The following BTG2 variants were observed in gnomAD, a reference collection of about 807,000 sequenced individuals.
The protein encoded by BTG2 is BTG anti-proliferation factor 2.
Under a neutral mutation model 13.1 loss-of-function variants are expected in BTG2, and 9 were observed. The observed-to-expected ratio is 0.69, with a 90% CI of 0.41 to 1.20. BTG2 has a LOEUF of 1.20. Ranked by LOEUF, BTG2 falls within the 50% of genes most tolerant of loss-of-function variation. BTG2 has a pLI of 0.00. For missense variants in BTG2, 200 were observed against 209.5 expected (o/e 0.95, Z 0.28); for synonymous variants, 92 against 88.6 (o/e 1.04, Z -0.21).
chr1:203,306,521 AAC>A (rs1020595815), intron 1 of BTG2, among the ~76,000 whole-genome samples: 3 of 152,118 alleles, frequency 2.0e-5, no homozygotes, highest in African/African-American at 7.2e-5. Context: ...GTTTCATCAA[AAC>A]AACCCAGTTT....
At chr1:203,306,448 T>C (rs573743696) in intron 1 of BTG2, among the ~76,000 whole-genome samples, 2 of 152,194 alleles carry the variant, frequency 1.3e-5, no homozygotes, top group Admixed American at 6.5e-5. Flanking sequence ...ACTGTCAGTT[T>C]TGGGAAGCGA....
chr1:203,305,627 C>A lies in BTG2; in HGVS notation c.21C>A (p.Thr7=), dbSNP rs1200560799. MSHGKG[T]DMLPEIAAAV... ...GCGACATGAGCCACGGGAAGGGAACCGACATGCTCCCGGAGATCGCCGCCG... is the reference window on the plus strand; with the variant it reads ...GCGACATGAGCCACGGGAAGGGAACAGACATGCTCCCGGAGATCGCCGCCG... The change falls in exon 1 of 2, where the codon ACC becomes ACA. Residue 7 remains threonine (T), a synonymous_variant. Transcript: ENST00000290551. 6.3e-7 allele frequency: 1 copy of A among 1,599,502 alleles called. No individual in the cohort carries two copies. Among genetic ancestry groups the A allele is most frequent in the Non-Finnish European group, 8.5e-7 (1 of 1,173,352 alleles).
chr1:203,307,435 C>G lies in BTG2; in HGVS notation c.474C>G (p.Ser158Arg), dbSNP rs751519540. 6.3e-7 allele frequency: 1 copy of G among 1,577,092 alleles called. No homozygotes were observed. The highest frequency in any genetic ancestry group is 8.6e-7 in the Non-Finnish European group (1 of 1,156,748). ...AGAACTACGTGATGGCAGTCTCCAGCTAGGCCCTTCCGCCCCCGCCCTGGG... is the reference window on the plus strand; with the variant it reads ...AGAACTACGTGATGGCAGTCTCCAGGTAGGCCCTTCCGCCCCCGCCCTGGG... ...PSKNYVMAVS[S>R] is the part of the protein sequence containing the mutation. The change falls in exon 2 of 2, where the codon AGC (serine) becomes AGG (arginine). Residue 158 changes from serine to arginine, a missense_variant. By Grantham distance (110) the Ser-to-Arg change is moderately radical. Transcript: ENST00000290551.
Position 203,307,051 on chromosome 1 carries a change from C to A in BTG2, c.143-53C>A. The stretch of plus-strand genomic sequence containing the variant: ...CCTCCACCCCGCCCTATGGTAGTAT[C>A]CATGGCCTAGCTGCTCTAACCAGGG... On this transcript the variant is annotated intron_variant, in intron 1 of 1. Transcript: ENST00000290551. The A allele has an allele frequency of 2.0e-6, 3 of 1,519,238 alleles. No individual in the cohort carries two copies. In the South Asian group the frequency reaches 3.6e-5, roughly 18 times the overall value. 94.1% of individuals were successfully genotyped at this position (1,519,238 alleles called of 1,614,324 possible).
chr1:203,308,019 G>A lies in BTG2; in HGVS notation c.*581G>A, dbSNP rs1036729864. 6.6e-6 allele frequency: 1 copy of A among 152,632 alleles called. No individual in the cohort carries two copies. The highest frequency in any genetic ancestry group is 2.4e-5 in the African/African-American group (1 of 41,424). The allele number at this position is 152,632 out of a possible 1,614,324, so 9.5% of individuals were successfully genotyped here. A position where few individuals can be genotyped will look rare whatever the true frequency, so the allele number is the denominator to read the frequency against. ...CCTCTCCTGATTCCTACTGTCCTAA[G>A]CTGCTTTTCTTGAAATCATGACTTG... On this transcript the variant is annotated 3_prime_UTR_variant, in exon 2 of 2. Coordinates refer to ENST00000290551, the MANE Select transcript of BTG2 (RefSeq NM_006763.3).
In BTG2 at chr1:203,307,349, G is replaced by C; in HGVS notation, c.388G>C (p.Ala130Pro). ...CTTGTACGAGGAGGCCCCACTGGCC[G>C]CCTCCTGTGGGCTCCTCACCTGCAA... ...CVLYEEAPLA[A>P]SCGLLTCKNQ... Residue 130 changes from alanine (A) to proline (P), a missense_variant, in exon 2 of 2, where the codon GCC becomes CCC. By Grantham distance (27) the Ala-to-Pro change is conservative (BLOSUM62 -1). Transcript: ENST00000290551. The C allele has an allele frequency of 1.9e-6, 3 of 1,613,720 alleles. No individual in the cohort carries two copies. The highest frequency in any genetic ancestry group is 2.5e-6 in the Non-Finnish European group (3 of 1,179,770).
In BTG2 at chr1:203,307,582, C is replaced by A. The variant is rs965616805; in HGVS notation, c.*144C>A. 27 of 699,338 alleles carry A rather than the reference C, an allele frequency of 3.9e-5. No homozygotes were observed. The Admixed American group carries it at 9.0e-4, about 23-fold the overall frequency. The allele number at this position is 699,338 out of a possible 1,614,324, so 43.3% of individuals were successfully genotyped here. A position where few individuals can be genotyped will look rare whatever the true frequency, so the allele number is the denominator to read the frequency against. On this transcript the variant is annotated 3_prime_UTR_variant, in exon 2 of 2. Coordinates refer to ENST00000290551, the MANE Select transcript of BTG2 (RefSeq NM_006763.3). ...TTTTTTAAGAAAGGAGGAAAAGAAA[C>A]CAAAAGTTTTTTTTAAGAAAAAAAA...
Position 203,307,537 on chromosome 1 carries a change from G to A in BTG2, c.*99G>A. 1 of 954,272 alleles carries A rather than the reference G, an allele frequency of 1.0e-6. No individual in the cohort carries two copies. The highest frequency in any genetic ancestry group is 1.5e-6 in the Non-Finnish European group (1 of 677,236). 59.1% of individuals were successfully genotyped at this position (954,272 alleles called of 1,614,324 possible). On this transcript the variant is annotated 3_prime_UTR_variant, in exon 2 of 2. Coordinates refer to ENST00000290551, the MANE Select transcript of BTG2 (RefSeq NM_006763.3). Reference sequence around the variant, plus strand: ...GGGGAACTGTATTTTTAAATGAAGAGCTATTTATATATATTATTTTTTTTT... The same window carrying A: ...GGGGAACTGTATTTTTAAATGAAGAACTATTTATATATATTATTTTTTTTT...
chr1:203,306,099 T>A (rs1658256679), intron 1 of BTG2, among the ~76,000 whole-genome samples: 1 of 151,916 alleles, frequency 6.6e-6, no homozygotes, highest in Non-Finnish European at 1.5e-5. Context: ...TCGATGGATG[T>A]TGTTGCGGGC....
rs1319382457 is a variant in BTG2 at position 203,307,174 on chromosome 1, C to T, written c.213C>T (p.Asn71=). 6.2e-7 allele frequency: 1 copy of T among 1,614,260 alleles called. No homozygotes were observed. The highest frequency in any genetic ancestry group is 8.5e-7 in the Non-Finnish European group (1 of 1,180,046). The part of the protein sequence containing the change: ...KGSGYRCIRI[N]HKMDPIISRV... ...CCGGCTACCGCTGCATTCGCATCAA[C>T]CACAAGATGGACCCCATCATCAGCA... Residue 71 remains asparagine (N), a synonymous_variant, in exon 2 of 2, where the codon AAC becomes AAT. Transcript: ENST00000290551.
rs34485564 is a variant in BTG2, at chr1:203,306,800, G to GCACACA, written c.143-288_143-283dup. Among the ~76,000 whole-genome samples, 354 of 142,876 alleles carry GCACACA rather than the reference G, an allele frequency of 2.5e-3. 2 individuals carry two copies. The highest frequency in any genetic ancestry group is 7.1e-3 in the South Asian group (32 of 4,496). The allele number at this position is 142,876 out of a possible 152,430, so 93.7% of individuals were successfully genotyped here. ...GAGCTCTAGAATCCCCTCCCAACAC[G>GCACACA]CACACACACACACACACACACTCTC... is the stretch of plus-strand genomic sequence containing the variant. On this transcript the variant is annotated intron_variant, in intron 1 of 1. Coordinates refer to ENST00000290551, the MANE Select transcript of BTG2 (RefSeq NM_006763.3).
In BTG2 at chr1:203,309,046, C is replaced by G. The variant is rs961818211; in HGVS notation, c.*1608C>G. ...TCCTCTACCCCCAGGTTCTCCTCCC[C>G]ACAGCCAGTCCCCTTTCCTGGATTT... On this transcript the variant is annotated 3_prime_UTR_variant, in exon 2 of 2. Coordinates refer to ENST00000290551, the MANE Select transcript of BTG2 (RefSeq NM_006763.3). 2.6e-5 allele frequency: 4 copies of G among 152,724 alleles called. No homozygotes were observed. Among genetic ancestry groups the G allele is most frequent in the African/African-American group, 9.6e-5 (4 of 41,452 alleles). 9.5% of individuals were successfully genotyped at this position (152,724 alleles called of 1,614,324 possible). A position where few individuals can be genotyped will look rare whatever the true frequency, so the allele number is the denominator to read the frequency against.
At chr1:203,306,431 G>A (rs1658275391) in intron 1 of BTG2, among the ~76,000 whole-genome samples, 1 of 152,202 alleles carries the variant, frequency 6.6e-6, no homozygotes, top group Non-Finnish European at 1.5e-5. Flanking sequence ...GCTGTTTCTA[G>A]CTGGTTACTG....
In BTG2 at chr1:203,309,415, C is replaced by G. The variant is rs1416695775; in HGVS notation, c.*1977C>G. ...CTTTAAAAACAACAAAACCCCTGAG[C>G]TGGACTGTTGAGCAGGCCTGTCTCT... On this transcript the variant is annotated 3_prime_UTR_variant, in exon 2 of 2. Coordinates refer to ENST00000290551, the MANE Select transcript of BTG2 (RefSeq NM_006763.3). 1.3e-5 allele frequency: 2 copies of G among 152,650 alleles called. No homozygotes were observed. The highest frequency in any genetic ancestry group is 6.5e-5 in the Admixed American group (1 of 15,286). The allele number at this position is 152,650 out of a possible 1,614,324, so 9.5% of individuals were successfully genotyped here.
At chr1:203,306,636 G>A (rs1320533730) in intron 1 of BTG2, among the ~76,000 whole-genome samples, 1 of 152,224 alleles carries the variant, frequency 6.6e-6, no homozygotes, top group African/African-American at 2.4e-5. Flanking sequence ...ACCCAACAAT[G>A]TTGGCAGCCT....
chr1:203,308,544 T>C lies in BTG2; in HGVS notation c.*1106T>C, dbSNP rs1158196119. On this transcript the variant is annotated 3_prime_UTR_variant, in exon 2 of 2. Coordinates refer to ENST00000290551, the MANE Select transcript of BTG2 (RefSeq NM_006763.3). The stretch of plus-strand genomic sequence containing the variant: ...CAGGAGGGTCTGGAGGAAAACTGGC[T>C]ATCAGAACCTCCTGATGCCCTGGTG... 1 of 152,634 alleles carries C rather than the reference T, an allele frequency of 6.6e-6. No individual in the cohort carries two copies. Among genetic ancestry groups the C allele is most frequent in the African/African-American group, 2.4e-5 (1 of 41,450 alleles). 9.5% of individuals were successfully genotyped at this position (152,634 alleles called of 1,614,324 possible).
At chr1:203,306,801 CA>C (rs1424905559) in intron 1 of BTG2, among the ~76,000 whole-genome samples, 5 of 31,394 alleles carry the variant, frequency 1.6e-4, no homozygotes, top group Non-Finnish European at 2.6e-4. Context: ...TCCCAACACG[CA>C]CACACACACA....
intron 1 of BTG2, 149 bp downstream of exon 1, chr1:203,305,897 C>T: frequency 8.8e-7 from 1 of 1,138,308 alleles, no homozygotes; most frequent in Non-Finnish European, 1.2e-6. Context: ...GGCCCGCAGT[C>T]CCCAGTTTCC....
At chr1:203,306,429 T>C (rs540186600) in intron 1 of BTG2, among the ~76,000 whole-genome samples, 1 of 152,192 alleles carries the variant, frequency 6.6e-6, no homozygotes, top group Non-Finnish European at 1.5e-5. Context: ...CAGCTGTTTC[T>C]AGCTGGTTAC....
Sources: allele counts gnomAD v4.1 joint callset (sites outside exome capture counted in the v4.1 genomes callset), GRCh38; gene constraint gnomAD v4.1.1; transcripts MANE v1.5; gene names NCBI Gene and HGNC (gene_info 2026-07-23, HGNC 2026-07-21).